Variants in PEBP4 observed in about 807,000 individuals in gnomAD.
The protein encoded by PEBP4 is phosphatidylethanolamine binding protein 4.
Under a neutral mutation model 23.9 loss-of-function variants are expected in PEBP4, and 22 were observed. The ratio of observed to expected loss-of-function variants is 0.92; its 90% confidence interval spans 0.66 to 1.31. PEBP4 has a LOEUF of 1.31. Among genes scored for constraint, PEBP4 ranks in the 40% most tolerant of loss-of-function variants. The probability of loss-of-function intolerance (pLI) is 0.00; values close to 1 mark genes in which losing one functional copy is unlikely to be tolerated. For synonymous variants in PEBP4, 112 were observed against 99.3 expected (o/e 1.13, Z -0.76); for missense variants, 324 against 281.7 (o/e 1.15, Z -1.07).
At chr8:22,763,196 G>C (rs1260413450) in intron 4 of PEBP4, among the ~76,000 whole-genome samples, 3 of 152,114 alleles carry the variant, frequency 2.0e-5, no homozygotes, top group Non-Finnish European at 4.4e-5. Context: ...GTAGAGACAG[G>C]GTTTTGCCAT....
At chr8:22,876,046 G>A (rs1032160801) in intron 3 of PEBP4, among the ~76,000 whole-genome samples, 10 of 151,860 alleles carry the variant, frequency 6.6e-5, no homozygotes, top group Non-Finnish European at 1.0e-4. Flanking sequence ...AGTAAGCTGG[G>A]ATTACAGGTA....
At chr8:22,925,164 A>C in intron 2 of PEBP4, 1 of 985,410 alleles carries the variant, frequency 1.0e-6, no homozygotes, top group Non-Finnish European at 1.2e-6. Flanking sequence ...AAAAATCTTC[A>C]GTGACAATAA....
intron 4 of PEBP4, among the ~76,000 whole-genome samples, chr8:22,809,437 A>T (rs1806571014): frequency 6.6e-6 from 1 of 152,112 alleles, no homozygotes; most frequent in Admixed American, 6.5e-5. Context: ...GCCCCCACAC[A>T]TGGCCACAAT....
At chr8:22,751,610 CTGTGTGTGTGTGTGTG>C (rs1318478495) in intron 4 of PEBP4, among the ~76,000 whole-genome samples, 37 of 78,944 alleles carry the variant, frequency 4.7e-4, no homozygotes, top group African/African-American at 1.3e-3. Context: ...GTGTGTGTGT[CTGTGTGTGTGTGTGTG>C]TCTCTGTGTG....
chr8:22,745,917 C>T lies in PEBP4; in HGVS notation c.358-18697G>A, dbSNP rs1392896995. Among the ~76,000 whole-genome samples, 3 of 152,208 alleles carry T rather than the reference C, an allele frequency of 2.0e-5. No homozygotes were observed. The East Asian group carries it at 5.8e-4, about 29-fold the overall frequency. On this transcript the variant is annotated intron_variant, in intron 4 of 6. Coordinates refer to ENST00000256404, the MANE Select transcript of PEBP4 (RefSeq NM_144962.3). ...ATTAGGCGGCAGAACTGGAATTTAACTCAAGTATTTCTGACTTCATAGGCG... is the reference window on the plus strand; with the variant it reads ...ATTAGGCGGCAGAACTGGAATTTAATTCAAGTATTTCTGACTTCATAGGCG...
intron 3 of PEBP4, among the ~76,000 whole-genome samples, chr8:22,819,348 G>A (rs1002873445): frequency 6.6e-6 from 1 of 152,128 alleles, no homozygotes; most frequent in Non-Finnish European, 1.5e-5. Flanking sequence ...GGCCAGATGA[G>A]GACACAGATG....
At chr8:22,797,054 G>A (rs1252714741) in intron 4 of PEBP4, among the ~76,000 whole-genome samples, 3 of 151,862 alleles carry the variant, frequency 2.0e-5, no homozygotes, top group African/African-American at 7.3e-5. Context: ...TAGGGAGTTT[G>A]AGACCAGCCT....
intron 4 of PEBP4, among the ~76,000 whole-genome samples, chr8:22,745,369 T>G (rs1453992199): frequency 1.3e-5 from 2 of 152,026 alleles, no homozygotes; most frequent in African/African-American, 4.8e-5. Context: ...CCTGCAGGGA[T>G]GTGGGGTAGC....
chr8:22,830,727 C>T (rs897194811), intron 3 of PEBP4, among the ~76,000 whole-genome samples: 8 of 152,100 alleles, frequency 5.3e-5, no homozygotes, highest in South Asian at 4.2e-4. Context: ...TCCAATCCAC[C>T]GCCAATTCTT....
chr8:22,875,095 C>T (rs941152762), intron 3 of PEBP4, among the ~76,000 whole-genome samples: 11 of 151,898 alleles, frequency 7.2e-5, no homozygotes, highest in African/African-American at 2.2e-4. Flanking sequence ...CCTTCGCCAC[C>T]TCAGGACTCA....
intron 4 of PEBP4, among the ~76,000 whole-genome samples, chr8:22,772,179 G>A (rs1276637762): frequency 1.3e-5 from 2 of 152,238 alleles, no homozygotes; most frequent in African/African-American, 2.4e-5. Context: ...AGAAGGTACT[G>A]TTGTTACCCC....
intron 4 of PEBP4, among the ~76,000 whole-genome samples, chr8:22,770,208 G>T (rs917354544): frequency 3.3e-5 from 5 of 152,202 alleles, no homozygotes; most frequent in Admixed American, 1.3e-4. Flanking sequence ...GGCAGAGGAA[G>T]CTCTGGGACT....
chr8:22,917,977 C>A (rs1809112878), intron 3 of PEBP4, among the ~76,000 whole-genome samples: 1 of 152,224 alleles, frequency 6.6e-6, no homozygotes. Flanking sequence ...GCACCTGGAT[C>A]CAGCCTCGCC....
intron 3 of PEBP4, among the ~76,000 whole-genome samples, 185 bp from the exon 4 acceptor site, chr8:22,817,920 A>G (rs757220944): frequency 6.6e-6 from 1 of 152,188 alleles, no homozygotes; most frequent in East Asian, 1.9e-4. Flanking sequence ...GAGAAATGGC[A>G]TCTGTGAAGC....
At chr8:22,884,028 G>A (rs1187483237) in intron 3 of PEBP4, 2 of 152,178 alleles carry the variant, frequency 1.3e-5, no homozygotes, top group African/African-American at 4.8e-5. Context: ...ATCTGAGAAG[G>A]GAACCAGGGA....
rs377460672 is a variant in PEBP4, at chr8:22,808,028, TATCC to T, written c.357+9605_357+9608del. Among the ~76,000 whole-genome samples, 33 of 151,262 alleles carry T rather than the reference TATCC, an allele frequency of 2.2e-4. 1 individual carries two copies. The highest frequency in any genetic ancestry group is 2.2e-3 in the East Asian group (11 of 5,116). On this transcript the variant is annotated intron_variant, in intron 4 of 6. Transcript: ENST00000256404. ...TCCATCCACCTACCTACCTAATCTTTATCCATCCATCCATCCATCCATTCATCCA... is the reference window on the plus strand; with the variant it reads ...TCCATCCACCTACCTACCTAATCTTTATCCATCCATCCATCCATTCATCCA...
intron 4 of PEBP4, among the ~76,000 whole-genome samples, chr8:22,804,011 G>T (rs1267841625): frequency 6.6e-6 from 1 of 152,154 alleles, no homozygotes; most frequent in East Asian, 1.9e-4. Flanking sequence ...ACTCCACATA[G>T]CAGCTAGATA....
At chr8:22,916,909 G>A (rs1489765298) in intron 3 of PEBP4, among the ~76,000 whole-genome samples, 1 of 152,234 alleles carries the variant, frequency 6.6e-6, no homozygotes, top group East Asian at 1.9e-4. Context: ...AAAGCACAGA[G>A]AAAGAAAAGA....
At chr8:22,800,143 A>C (rs1416688531) in intron 4 of PEBP4, among the ~76,000 whole-genome samples, 2 of 152,166 alleles carry the variant, frequency 1.3e-5, no homozygotes, top group Non-Finnish European at 2.9e-5. Context: ...AGAGCTGAGC[A>C]GCCCAGGGTA....
Sources: allele counts gnomAD v4.1 joint callset (sites outside exome capture counted in the v4.1 genomes callset), GRCh38; gene constraint gnomAD v4.1.1; transcripts MANE v1.5; gene names NCBI Gene and HGNC (gene_info 2026-07-23, HGNC 2026-07-21).